RGS8: variants seen among roughly 807,000 people sequenced by gnomAD.
RGS8 encodes the protein regulator of G-protein signaling 8.
A neutral mutation model predicts 21.7 loss-of-function variants in RGS8; 8 were observed. The observed-to-expected ratio is 0.37, with a 90% CI of 0.22 to 0.66. The LOEUF is 0.66. RGS8 is among the 30% of genes least tolerant of loss of function. RGS8 has a pLI of 0.59. For synonymous variants in RGS8, 80 were observed against 83.6 expected (o/e 0.96, Z 0.24); for missense variants, 157 against 217.9 (o/e 0.72, Z 1.76).
At chr1:182,739,256 A>G in the RGS8 span, among the ~76,000 whole-genome samples, 1 of 152,188 alleles carries the variant, frequency 6.6e-6, no homozygotes, top group Non-Finnish European at 1.5e-5. Context: ...TCATCTAGGA[A>G]GAGAATCAGT....
At chr1:182,654,043 T>C (rs756012019) in intron 5 of RGS8, among the ~76,000 whole-genome samples, 3 of 152,198 alleles carry the variant, frequency 2.0e-5, no homozygotes, top group African/African-American at 4.8e-5. Context: ...GCTCAGGACT[T>C]TACAAAACAT....
At chr1:182,671,883 A>G (rs681111) in exon 1 of RGS8, 103,719 of 1,492,292 alleles carry the variant, frequency 0.07, 9,189 homozygotes, top group African/African-American at 0.43. Flanking sequence ...AAGCGGCCCC[A>G]CTGAAAGCTC....
intron 1 of RGS8, among the ~76,000 whole-genome samples, chr1:182,683,477 TC>T (rs1332606897): frequency 6.6e-6 from 1 of 152,052 alleles, no homozygotes; most frequent in East Asian, 1.9e-4. Flanking sequence ...GGGTAAGCTT[TC>T]CTTCATTATT....
intron 1 of RGS8, among the ~76,000 whole-genome samples, chr1:182,680,082 G>A (rs553831915): frequency 1.4e-3 from 212 of 152,092 alleles, no homozygotes; most frequent in Non-Finnish European, 2.1e-3. Context: ...CCTGGTTCAC[G>A]TCCTCACAGT....
chr1:182,646,855 A>T (rs1662726075), exon 7 of RGS8: 1 of 1,614,064 alleles, frequency 6.2e-7, no homozygotes, highest in Admixed American at 1.7e-5. Flanking sequence ...GGTCAAAGCA[A>T]GTCAGGGATG....
At chr1:182,708,305 T>C in the RGS8 span, among the ~76,000 whole-genome samples, 2 of 152,180 alleles carry the variant, frequency 1.3e-5, no homozygotes, top group African/African-American at 2.4e-5. Flanking sequence ...GAAAGGAATT[T>C]TCCCCCATAC....
At chr1:182,742,308 G>A in the RGS8 span, among the ~76,000 whole-genome samples, 16 of 149,712 alleles carry the variant, frequency 1.1e-4, no homozygotes, top group Admixed American at 3.3e-4. Context: ...GTGGCCAGGC[G>A]GAGACGCTCC....
At chr1:182,673,367 CT>C (rs1664252735), upstream of RGS8, among the ~76,000 whole-genome samples, 1 of 152,102 alleles carries the variant, frequency 6.6e-6, no homozygotes, top group Admixed American at 6.5e-5. Flanking sequence ...GGTGATGTAC[CT>C]TTATCAAAGC....
the RGS8 span, among the ~76,000 whole-genome samples, chr1:182,740,408 A>G: frequency 6.6e-6 from 1 of 152,214 alleles, no homozygotes; most frequent in Non-Finnish European, 1.5e-5. Context: ...CAAAACAGCC[A>G]TATGAGATAA....
intron 5 of RGS8, among the ~76,000 whole-genome samples, chr1:182,652,723 T>G (rs761176290): frequency 6.6e-6 from 1 of 152,064 alleles, no homozygotes; most frequent in African/African-American, 2.4e-5. Context: ...TATGATGTAG[T>G]GTGATAAGTT....
chr1:182,696,392 C>T, the RGS8 span, among the ~76,000 whole-genome samples: 1 of 152,134 alleles, frequency 6.6e-6, no homozygotes, highest in Admixed American at 6.5e-5. Flanking sequence ...ATGTCTGGCT[C>T]TGTCACCCAG....
chr1:182,663,266 A>G (rs954990841), intron 5 of RGS8, among the ~76,000 whole-genome samples: 1 of 152,218 alleles, frequency 6.6e-6, no homozygotes. Context: ...AAAGTTGTCA[A>G]CATCCTTCAA....
At chr1:182,750,004 C>T in the RGS8 span, among the ~76,000 whole-genome samples, 1 of 152,172 alleles carries the variant, frequency 6.6e-6, no homozygotes, top group Non-Finnish European at 1.5e-5. Context: ...ATACCTACCT[C>T]AGAAGGTTGT....
chr1:182,685,881 T>C (rs1664689947), upstream of RGS8, among the ~76,000 whole-genome samples: 2 of 152,132 alleles, frequency 1.3e-5, no homozygotes, highest in South Asian at 2.1e-4. Context: ...CTCCTTGTCA[T>C]GTATTAGGTG....
chr1:182,671,162 T>A (rs1298634125), intron 2 of RGS8, among the ~76,000 whole-genome samples: 1 of 152,148 alleles, frequency 6.6e-6, no homozygotes, highest in African/African-American at 2.4e-5. Flanking sequence ...CAGTTGCCTG[T>A]CTCTCTCCTT....
At chr1:182,648,185 C>T (rs779576565) in exon 6 of RGS8, 3 of 1,613,704 alleles carry the variant, frequency 1.9e-6, no homozygotes, top group African/African-American at 1.3e-5. Context: ...TCCTATGGGC[C>T]TTAGAGACCA....
intron 5 of RGS8, among the ~76,000 whole-genome samples, chr1:182,655,237 C>G (rs912228714): frequency 6.6e-6 from 1 of 152,206 alleles, no homozygotes; most frequent in Non-Finnish European, 1.5e-5. Flanking sequence ...CTCTGTGTGA[C>G]AGTAACCTGA....
At chr1:182,664,084 A>T (rs1038653625) in intron 5 of RGS8, among the ~76,000 whole-genome samples, 12 of 152,200 alleles carry the variant, frequency 7.9e-5, no homozygotes, top group Non-Finnish European at 1.5e-4. Context: ...AAAGTCATCA[A>T]ATCAGACAAA....
intron 4 of RGS8, among the ~76,000 whole-genome samples, chr1:182,666,324 T>A (rs1353313517): frequency 1.3e-5 from 2 of 152,114 alleles, no homozygotes; most frequent in Non-Finnish European, 2.9e-5. Context: ...GAGGTAACAA[T>A]GGAAAGAAAC....
Sources: gnomAD v4.1 joint callset for allele counts (sites outside exome capture counted in the v4.1 genomes callset) on GRCh38, gnomAD v4.1.1 for gene constraint, MANE v1.5 for transcripts, NCBI Gene and HGNC (gene_info 2026-07-23, HGNC 2026-07-21) for gene names.